Variants in PCBP3 observed in about 807,000 individuals in gnomAD.
The protein encoded by PCBP3 is poly(rC) binding protein 3.
PCBP3 carries 25 observed loss-of-function variants against 52.7 expected under a neutral mutation model. That is an observed-to-expected ratio of 0.47 (90% CI 0.35 to 0.66). The LOEUF (loss-of-function observed/expected upper bound fraction) is 0.66. PCBP3 is among the 30% of genes least tolerant of loss of function. PCBP3 has a pLI of 0.01. For synonymous variants in PCBP3, 162 were observed against 183.0 expected, an observed-to-expected ratio of 0.89 and a Z score of 0.93; for missense variants, 391 against 490.3, an observed-to-expected ratio of 0.80 and a Z score of 1.91.
At chr21:45,718,144 C>G (rs1280782012) in intron 2 of PCBP3, among the ~76,000 whole-genome samples, 1 of 147,654 alleles carries the variant, frequency 6.8e-6, no homozygotes, top group Non-Finnish European at 1.5e-5. Context: ...CTTTTTATTT[C>G]TGCAAGGTTG....
rs151099076 is a variant in PCBP3, at chr21:45,909,109, G to T, written c.340-246G>T. On this transcript the variant is annotated intron_variant, in intron 9 of 17. Transcript: ENST00000681687. Reference sequence around the variant, plus strand: ...GGTCTCCACGACCAAGGCCAGACCCGCCCCAACCCCACTGCGGCACGGTGA... The same window carrying T: ...GGTCTCCACGACCAAGGCCAGACCCTCCCCAACCCCACTGCGGCACGGTGA... Among the ~76,000 whole-genome samples the T allele has an allele frequency of 2.6e-5, 4 of 152,026 alleles. No homozygotes were observed. In the East Asian group the frequency reaches 7.8e-4, roughly 30 times the overall value.
intron 4 of PCBP3, among the ~76,000 whole-genome samples, chr21:45,774,049 G>A (rs890398493): frequency 6.6e-6 from 1 of 152,154 alleles, no homozygotes; most frequent in African/African-American, 2.4e-5. Context: ...GTGTGGAAAT[G>A]CTGCTGATTT....
intron 4 of PCBP3, among the ~76,000 whole-genome samples, chr21:45,778,602 A>G (rs2090420204): frequency 6.6e-6 from 1 of 152,154 alleles, no homozygotes. Flanking sequence ...TGGTACTTGC[A>G]GGTAGGTGCC....
intron 4 of PCBP3, among the ~76,000 whole-genome samples, chr21:45,839,918 C>T (rs529778967): frequency 3.9e-4 from 60 of 152,170 alleles, no homozygotes; most frequent in African/African-American, 1.2e-3. Context: ...AACTCCTGAC[C>T]TCAAGTGATC....
chr21:45,738,106 A>G (rs1569166506), intron 3 of PCBP3, among the ~76,000 whole-genome samples: 2 of 152,228 alleles, frequency 1.3e-5, no homozygotes, highest in South Asian at 2.1e-4. Flanking sequence ...GGTTAGTGCC[A>G]GAGCCCACTC....
At chr21:45,734,598 A>T (rs1055826180) in intron 2 of PCBP3, among the ~76,000 whole-genome samples, 2 of 150,410 alleles carry the variant, frequency 1.3e-5, no homozygotes, top group Non-Finnish European at 2.9e-5. Context: ...TCCGTTTCCA[A>T]CTCCCCTGGC....
chr21:45,653,192 T>C (rs1322030434), intron 1 of PCBP3, among the ~76,000 whole-genome samples: 1 of 152,202 alleles, frequency 6.6e-6, no homozygotes, highest in Non-Finnish European at 1.5e-5. Context: ...TTCTCAGATA[T>C]TCCTATGTGC....
At chr21:45,924,620 TGCGAACACCGGGAACA>T (rs2075087255) in intron 13 of PCBP3, among the ~76,000 whole-genome samples, 1 of 53,030 alleles carries the variant, frequency 1.9e-5, no homozygotes, top group Admixed American at 1.4e-4. Flanking sequence ...CGTGAGGAGA[TGCGAACACCGGGAACA>T]GTCGAGTGGG....
intron 2 of PCBP3, among the ~76,000 whole-genome samples, chr21:45,676,066 A>G (rs867434213): frequency 6.6e-6 from 1 of 152,196 alleles, no homozygotes; most frequent in Non-Finnish European, 1.5e-5. Flanking sequence ...GAGGAAAAGC[A>G]CTTGTGCTTT....
At chr21:45,729,980 T>G (rs2085336334) in intron 2 of PCBP3, among the ~76,000 whole-genome samples, 1 of 152,002 alleles carries the variant, frequency 6.6e-6, no homozygotes, top group Admixed American at 6.6e-5. Flanking sequence ...CCCAGGCTGG[T>G]CTCAAACTCC....
intron 2 of PCBP3, among the ~76,000 whole-genome samples, chr21:45,717,347 C>G (rs2084294004): frequency 6.6e-6 from 1 of 152,024 alleles, no homozygotes; most frequent in African/African-American, 2.4e-5. Context: ...CCTAATTGTC[C>G]TGGCTAAAAC....
intron 5 of PCBP3, among the ~76,000 whole-genome samples, chr21:45,852,727 C>T (rs534117530): frequency 6.6e-6 from 1 of 152,326 alleles, no homozygotes; most frequent in Admixed American, 6.5e-5. Flanking sequence ...TCAGAAGGAA[C>T]ACAGCCCTGC....
chr21:45,875,803 C>T (rs74792430), intron 5 of PCBP3, among the ~76,000 whole-genome samples: 196 of 152,370 alleles, frequency 1.3e-3, no homozygotes, highest in Non-Finnish European at 2.3e-3. Flanking sequence ...TAAACTTCTA[C>T]TGTTCACTTC....
chr21:45,657,674 G>GA (rs35393546), intron 1 of PCBP3, among the ~76,000 whole-genome samples: 24,942 of 144,118 alleles, frequency 0.17, 2,436 homozygotes, highest in Non-Finnish European at 0.23. Context: ...TCACTTTCTG[G>GA]AAAAAAAAAA....
At chr21:45,667,075 G>GTTCTTTCTTTCTTTCTTTCTTTCCTTCT (rs1555900588) in intron 1 of PCBP3, among the ~76,000 whole-genome samples, 4,254 of 147,646 alleles carry the variant, frequency 0.029, 134 homozygotes, top group South Asian at 0.1. Context: ...GCATCTGTTT[G>GTTCTTTCTTTCTTTCTTTCTTTCCTTCT]TTCTTTCTTT....
At chr21:45,767,265 A>G (rs1189542265) in intron 4 of PCBP3, among the ~76,000 whole-genome samples, 3 of 151,796 alleles carry the variant, frequency 2.0e-5, no homozygotes, top group Non-Finnish European at 4.4e-5. Context: ...TTCTGTCTAC[A>G]GATTTGCCCA....
chr21:45,764,792 A>G (rs1343893653), intron 4 of PCBP3, among the ~76,000 whole-genome samples: 1 of 152,232 alleles, frequency 6.6e-6, no homozygotes, highest in East Asian at 1.9e-4. Flanking sequence ...CTAGCAAGGG[A>G]AAGAGTGGTG....
chr21:45,652,382 A>G (rs898816493), intron 1 of PCBP3, among the ~76,000 whole-genome samples: 9 of 151,856 alleles, frequency 5.9e-5, no homozygotes, highest in African/African-American at 1.9e-4. Flanking sequence ...GATGACTACT[A>G]TTTAAACATA....
At chr21:45,650,387 T>C (rs2079600944) in intron 1 of PCBP3, among the ~76,000 whole-genome samples, 1 of 152,182 alleles carries the variant, frequency 6.6e-6, no homozygotes, top group African/African-American at 2.4e-5. Context: ...CCAGTGATAA[T>C]CTTTTCTTGT....
Sources: gnomAD v4.1 joint callset for allele counts (sites outside exome capture counted in the v4.1 genomes callset) on GRCh38, gnomAD v4.1.1 for gene constraint, MANE v1.5 for transcripts, NCBI Gene and HGNC (gene_info 2026-07-23, HGNC 2026-07-21) for gene names.